Variants in SLC35D4 observed in about 807,000 individuals in gnomAD.
The protein encoded by SLC35D4 is solute carrier family 35 member D4, also known as UDP-N-acetylglucosamine transporter SLC35D4.
At chr18:23,346,541 G>A in the SLC35D4 span, among the ~76,000 whole-genome samples, 1 of 148,248 alleles carries the variant, frequency 6.7e-6, no homozygotes, top group Non-Finnish European at 1.5e-5. Flanking sequence ...CTATTGCACT[G>A]CCTATTGCAT....
the SLC35D4 span, among the ~76,000 whole-genome samples, chr18:23,432,154 G>A: frequency 6.6e-6 from 1 of 152,156 alleles, no homozygotes; most frequent in African/African-American, 2.4e-5. Context: ...CTGAGCATCT[G>A]AGTCACAGCC....
At chr18:23,307,746 ATG>A in the SLC35D4 span, among the ~76,000 whole-genome samples, 6 of 152,298 alleles carry the variant, frequency 3.9e-5, no homozygotes, top group East Asian at 1.2e-3. Context: ...TCTGAGGGCT[ATG>A]GGGCAGGGCA....
At chr18:23,248,812 C>T in the SLC35D4 span, among the ~76,000 whole-genome samples, 3 of 152,018 alleles carry the variant, frequency 2.0e-5, no homozygotes, top group African/African-American at 7.3e-5. Context: ...GCAACAAGAG[C>T]GAAACTCCAT....
chr18:23,295,732 G>A, the SLC35D4 span, among the ~76,000 whole-genome samples: 2 of 152,276 alleles, frequency 1.3e-5, no homozygotes, highest in East Asian at 1.9e-4. Flanking sequence ...GGCAACAACA[G>A]CCACCGACTG....
At chr18:23,411,483 TAGAAAGAAAGAA>T in the SLC35D4 span, among the ~76,000 whole-genome samples, 3,000 of 91,768 alleles carry the variant, frequency 0.033, 54 homozygotes, top group Admixed American at 0.066. Context: ...AAGAAAGAGA[TAGAAAGAAAGAA>T]AGAAAGAAAG....
chr18:23,386,805 C>T, the SLC35D4 span, among the ~76,000 whole-genome samples: 1 of 151,944 alleles, frequency 6.6e-6, no homozygotes, highest in Non-Finnish European at 1.5e-5. Flanking sequence ...TGCACATTTC[C>T]CATTGCTGGG....
the SLC35D4 span, among the ~76,000 whole-genome samples, chr18:23,427,293 A>G: frequency 5.3e-5 from 8 of 152,242 alleles, no homozygotes; most frequent in Non-Finnish European, 8.8e-5. Context: ...AATATCCAGA[A>G]TCTACAAAGA....
At chr18:23,437,929 C>T in the SLC35D4 span, 1 of 1,493,486 alleles carries the variant, frequency 6.7e-7, no homozygotes, top group South Asian at 1.2e-5. Context: ...CCCGCAGCAG[C>T]AGCAGCGGCA....
the SLC35D4 span, chr18:23,377,819 C>T: frequency 3.1e-6 from 2 of 650,724 alleles, no homozygotes; most frequent in South Asian, 3.9e-5. Context: ...TTTATTGAGG[C>T]TTTTTCTGCT....
chr18:23,323,010 C>T, the SLC35D4 span, among the ~76,000 whole-genome samples: 1 of 152,178 alleles, frequency 6.6e-6, no homozygotes, highest in East Asian at 1.9e-4. Context: ...TTTTGTCCTG[C>T]TAGCTAGAAA....
chr18:23,388,200 T>A, the SLC35D4 span, among the ~76,000 whole-genome samples: 1 of 152,200 alleles, frequency 6.6e-6, no homozygotes, highest in Non-Finnish European at 1.5e-5. Flanking sequence ...TGCAGGCTGT[T>A]TTCTCAATCT....
the SLC35D4 span, among the ~76,000 whole-genome samples, chr18:23,427,935 C>G: frequency 6.6e-6 from 1 of 152,080 alleles, no homozygotes; most frequent in African/African-American, 2.4e-5. Flanking sequence ...AACCAAACAC[C>G]ACACGTTCTC....
the SLC35D4 span, chr18:23,257,244 C>T: frequency 2.0e-5 from 32 of 1,605,162 alleles, no homozygotes; most frequent in African/African-American, 3.9e-4. Flanking sequence ...AAGAGAAGTT[C>T]CGGCTGAACA....
At chr18:23,324,235 C>T in the SLC35D4 span, among the ~76,000 whole-genome samples, 1 of 152,156 alleles carries the variant, frequency 6.6e-6, no homozygotes, top group Admixed American at 6.5e-5. Context: ...CAGGAGGGAG[C>T]TCTCACACGA....
At chr18:23,390,480 T>C in the SLC35D4 span, among the ~76,000 whole-genome samples, 9 of 152,372 alleles carry the variant, frequency 5.9e-5, no homozygotes, top group East Asian at 1.3e-3. Flanking sequence ...AACTACTTTA[T>C]TCCTAGAATC....
At chr18:23,324,567 C>G in the SLC35D4 span, among the ~76,000 whole-genome samples, 1 of 152,168 alleles carries the variant, frequency 6.6e-6, no homozygotes, top group Non-Finnish European at 1.5e-5. Context: ...ACATGAAAGG[C>G]GAGATCTGCC....
the SLC35D4 span, among the ~76,000 whole-genome samples, chr18:23,305,792 G>T: frequency 6.6e-6 from 1 of 152,214 alleles, no homozygotes; most frequent in African/African-American, 2.4e-5. Context: ...TGTCCATCTA[G>T]GATGATTTAG....
the SLC35D4 span, among the ~76,000 whole-genome samples, chr18:23,317,713 T>C: frequency 6.6e-6 from 1 of 152,108 alleles, no homozygotes; most frequent in Non-Finnish European, 1.5e-5. Context: ...CATTGTAGAT[T>C]AGATATACTT....
chr18:23,421,596 C>A, the SLC35D4 span: 1 of 651,354 alleles, frequency 1.5e-6, no homozygotes, highest in Middle Eastern at 2.7e-4. Context: ...TCCCATTTCT[C>A]AGACCTTTCC....
Sources: allele counts gnomAD v4.1 joint callset (sites outside exome capture counted in the v4.1 genomes callset), GRCh38; gene constraint gnomAD v4.1.1; transcripts MANE v1.5; gene names NCBI Gene and HGNC (gene_info 2026-07-23, HGNC 2026-07-21).